The following FAM13C variants were observed in gnomAD, a reference collection of about 807,000 sequenced individuals.
FAM13C encodes family with sequence similarity 13 member C.
A neutral mutation model predicts 73.2 loss-of-function variants in FAM13C; 37 were observed. That is an observed-to-expected ratio of 0.51 (90% confidence interval 0.39 to 0.67). The LOEUF (loss-of-function observed/expected upper bound fraction) is 0.67, where lower values mean the gene tolerates loss of function less well. Ranked by LOEUF, FAM13C falls within the 30% of genes least tolerant of loss-of-function variation. The pLI, the probability that FAM13C is intolerant of heterozygous loss-of-function variation, is 0.00. For missense variants in FAM13C, 589 were observed against 715.6 expected, an observed-to-expected ratio of 0.82 and a Z score of 2.02; for synonymous variants, 246 against 260.9, an observed-to-expected ratio of 0.94 and a Z score of 0.55.
At chr10:59,297,716 C>T (rs1231884441) in intron 5 of FAM13C, among the ~76,000 whole-genome samples, 2 of 152,188 alleles carry the variant, frequency 1.3e-5, no homozygotes, top group East Asian at 3.9e-4. Context: ...ACCTTCTAAA[C>T]ACAGTCCCCA....
chr10:59,321,949 T>C (rs1427629489), intron 4 of FAM13C, among the ~76,000 whole-genome samples: 2 of 152,148 alleles, frequency 1.3e-5, no homozygotes, highest in African/African-American at 4.8e-5. Flanking sequence ...GGTGGTATTT[T>C]ACAACTGCTG....
Position 59,348,227 on chromosome 10 carries a change from A to G in FAM13C, c.324+4043T>C, listed in dbSNP as rs117411510. ...AGTGATTTTGGGGAATGATGATCCC[A>G]TAGCACACTCATTAGAACTCAGTGT... is the stretch of plus-strand genomic sequence containing the variant. On this transcript the variant is annotated intron_variant, in intron 3 of 13. Transcript: ENST00000618804. Among the ~76,000 whole-genome samples, 307 of 152,352 alleles carry G rather than the reference A, an allele frequency of 2.0e-3. 3 individuals carry two copies. The highest frequency in any genetic ancestry group is 3.6e-3 in the Non-Finnish European group (244 of 68,034).
chr10:59,299,330 T>C (rs1847284926), intron 5 of FAM13C, among the ~76,000 whole-genome samples: 1 of 150,226 alleles, frequency 6.7e-6, no homozygotes, highest in Non-Finnish European at 1.5e-5. Flanking sequence ...TCCTACAGAG[T>C]TAGAAATGCG....
Position 59,283,822 on chromosome 10 carries a change from G to A in FAM13C, c.508-375C>T, listed in dbSNP as rs1360835975. The A allele has an allele frequency of 6.4e-6, 3 of 470,800 alleles. No individual in the cohort carries two copies. The East Asian group carries it at 9.6e-5, about 15-fold the overall frequency. 29.2% of individuals were successfully genotyped at this position (470,800 alleles called of 1,614,324 possible). A position where few individuals can be genotyped will look rare whatever the true frequency, so the allele number is the denominator to read the frequency against. On this transcript the variant is annotated intron_variant, in intron 5 of 13. Coordinates refer to ENST00000618804, the MANE Select transcript of FAM13C (RefSeq NM_198215.4). ...GATATCTGCTTCCCGGGTGCTTGAG[G>A]CTTTACGCTTTGAGTGTTTCATTCA...
intron 4 of FAM13C, among the ~76,000 whole-genome samples, chr10:59,308,285 G>GTGAT (rs2133907436): frequency 6.6e-6 from 1 of 151,778 alleles, no homozygotes; most frequent in South Asian, 2.1e-4. Context: ...TGATGAGCAT[G>GTGAT]TGATATCTCC....
chr10:59,263,195 G>A (rs142798619), intron 9 of FAM13C, among the ~76,000 whole-genome samples: 248 of 152,172 alleles, frequency 1.6e-3, no homozygotes, highest in Middle Eastern at 0.01. Flanking sequence ...TTACAAGGTG[G>A]CTTTATATAA....
chr10:59,349,313 G>A (rs1368329323), intron 3 of FAM13C, among the ~76,000 whole-genome samples: 1 of 152,158 alleles, frequency 6.6e-6, no homozygotes, highest in African/African-American at 2.4e-5. Flanking sequence ...CATAGTAAAG[G>A]ACCAGACACT....
At chr10:59,296,066 T>G (rs1846882099) in intron 5 of FAM13C, among the ~76,000 whole-genome samples, 1 of 152,334 alleles carries the variant, frequency 6.6e-6, no homozygotes, top group Non-Finnish European at 1.5e-5. Flanking sequence ...GAGCTGCCTA[T>G]TCTTACAGAA....
intron 6 of FAM13C, among the ~76,000 whole-genome samples, chr10:59,278,195 C>T (rs534128162): frequency 1.3e-5 from 2 of 152,280 alleles, no homozygotes; most frequent in South Asian, 2.1e-4. Context: ...ATTCAATTAC[C>T]TCCCACCAGG....
At chr10:59,279,503 T>C (rs1844694333) in intron 6 of FAM13C, among the ~76,000 whole-genome samples, 1 of 152,224 alleles carries the variant, frequency 6.6e-6, no homozygotes, top group Non-Finnish European at 1.5e-5. Flanking sequence ...ATGGAATTAT[T>C]ATTTTTAGTA....
intron 10 of FAM13C, among the ~76,000 whole-genome samples, chr10:59,259,533 G>A (rs1034834840): frequency 2.6e-5 from 4 of 152,118 alleles, no homozygotes; most frequent in African/African-American, 9.7e-5. Flanking sequence ...TGAGTGTAGT[G>A]GCTGACTAGC....
chr10:59,283,252 T>A, intron 6 of FAM13C, 111 bp downstream of exon 6: 1 of 1,137,942 alleles, frequency 8.8e-7, no homozygotes, highest in Middle Eastern at 2.9e-4. Context: ...TGGGCTTTCA[T>A]GTTGCCCCAG....
chr10:59,360,546 G>A (rs753740313), intron 1 of FAM13C, among the ~76,000 whole-genome samples: 53 of 152,282 alleles, frequency 3.5e-4, no homozygotes, highest in African/African-American at 1.3e-3. Context: ...GTCATGCCCA[G>A]AGAAGCACGG....
At chr10:59,331,927 G>C (rs1255135845) in intron 3 of FAM13C, among the ~76,000 whole-genome samples, 1 of 152,288 alleles carries the variant, frequency 6.6e-6, no homozygotes, top group East Asian at 1.9e-4. Flanking sequence ...TTCATGGAGA[G>C]TTGGGTATGA....
chr10:59,269,178 C>T (rs1370924806), intron 7 of FAM13C, among the ~76,000 whole-genome samples: 1 of 152,042 alleles, frequency 6.6e-6, no homozygotes, highest in Non-Finnish European at 1.5e-5. Flanking sequence ...CAATAATTCA[C>T]TAACTCTTTC....
At chr10:59,302,098 T>C (rs1589522313) in intron 5 of FAM13C, among the ~76,000 whole-genome samples, 1 of 152,210 alleles carries the variant, frequency 6.6e-6, no homozygotes. Flanking sequence ...ATGACCTTAA[T>C]CAGACGTACT....
chr10:59,287,028 C>A (rs1449099802), intron 5 of FAM13C, among the ~76,000 whole-genome samples: 3 of 99,962 alleles, frequency 3.0e-5, no homozygotes, highest in Admixed American at 1.2e-4. Flanking sequence ...AGCGAGACTC[C>A]ATCTCAAAAA....
In FAM13C at chr10:59,270,068, T is replaced by C. The variant is rs148013871; in HGVS notation, c.634A>G (p.Ser212Gly). 4 of 1,613,630 alleles carry C rather than the reference T, an allele frequency of 2.5e-6. No individual in the cohort carries two copies. The highest frequency in any genetic ancestry group is 3.4e-6 in the Non-Finnish European group (4 of 1,179,768). The change falls in exon 7 of 14, where the codon AGT becomes GGT. Residue 212 changes from serine (S) to glycine (G), a missense_variant. Ser to Gly is a moderately conservative substitution (Grantham distance 56, BLOSUM62 0). Transcript: ENST00000618804. The part of the protein sequence containing the change: ...VHKDGQNEAD[S>G]APEDLHSVGT... Reference sequence around the variant, plus strand: ...ACAGAGTGGAGGTCTTCTGGTGCACTGTCGGCCTCATTCTGCCCATCTTTG... The same window carrying C: ...ACAGAGTGGAGGTCTTCTGGTGCACCGTCGGCCTCATTCTGCCCATCTTTG...
intron 4 of FAM13C, among the ~76,000 whole-genome samples, chr10:59,311,489 C>T (rs1848913903): frequency 6.6e-6 from 1 of 152,156 alleles, no homozygotes; most frequent in Admixed American, 6.5e-5. Context: ...TTAGTAAATA[C>T]ATTCCATACA....
Sources: allele counts gnomAD v4.1 joint callset (sites outside exome capture counted in the v4.1 genomes callset), GRCh38; gene constraint gnomAD v4.1.1; transcripts MANE v1.5; gene names NCBI Gene and HGNC (gene_info 2026-07-23, HGNC 2026-07-21).